The following ARHGAP44 variants were observed in gnomAD, a reference collection of about 807,000 sequenced individuals.
ARHGAP44 encodes the protein rho GTPase-activating protein 44.
Under a neutral mutation model 106.8 loss-of-function variants are expected in ARHGAP44, and 43 were observed. The ratio of observed to expected loss-of-function variants is 0.40; its 90% CI spans 0.32 to 0.52. The LOEUF is 0.52. Among genes scored for constraint, ARHGAP44 ranks in the 20% least tolerant of loss-of-function variants. The pLI is 0.48. For missense variants in ARHGAP44, 866 were observed against 1,050.5 expected, an observed-to-expected ratio of 0.82 and a Z score of 2.43; for synonymous variants, 439 against 410.3, an observed-to-expected ratio of 1.07 and a Z score of -0.85.
chr17:12,812,763 G>T (rs1320788398), intron 1 of ARHGAP44, among the ~76,000 whole-genome samples: 1 of 152,206 alleles, frequency 6.6e-6, no homozygotes, highest in African/African-American at 2.4e-5. Context: ...CTCAACTGGG[G>T]AACAGGGAAG....
At chr17:12,802,650 TAATCAGTGACATCA>T (rs1183264533) in intron 1 of ARHGAP44, among the ~76,000 whole-genome samples, 1 of 151,950 alleles carries the variant, frequency 6.6e-6, no homozygotes, top group Non-Finnish European at 1.5e-5. Flanking sequence ...CCAGGCTCTT[TAATCAGTGACATCA>T]AAGACCCCAC....
intron 1 of ARHGAP44, among the ~76,000 whole-genome samples, chr17:12,798,115 A>G (rs1289705387): frequency 6.6e-6 from 1 of 152,006 alleles, no homozygotes; most frequent in Non-Finnish European, 1.5e-5. Context: ...AGTCTGTGGG[A>G]TTTTCCAGGG....
chr17:12,962,267 G>A (rs78562724), intron 16 of ARHGAP44, among the ~76,000 whole-genome samples: 15,314 of 152,028 alleles, frequency 0.1, 888 homozygotes, highest in South Asian at 0.2. Flanking sequence ...CTTCCCTCGC[G>A]ACTCTGGGCT....
intron 6 of ARHGAP44, among the ~76,000 whole-genome samples, chr17:12,920,057 C>T (rs1461818960): frequency 6.6e-6 from 1 of 152,020 alleles, no homozygotes; most frequent in Non-Finnish European, 1.5e-5. Context: ...AGTGAAGAAA[C>T]AAGACAGTTC....
At chr17:12,936,814 A>G (rs2038562386) in intron 7 of ARHGAP44, among the ~76,000 whole-genome samples, 1 of 152,184 alleles carries the variant, frequency 6.6e-6, no homozygotes, top group Non-Finnish European at 1.5e-5. Flanking sequence ...CCAGCAATAT[A>G]TGAGAGGTCC....
chr17:12,880,974 A>G (rs2036720008), intron 1 of ARHGAP44, among the ~76,000 whole-genome samples: 1 of 152,176 alleles, frequency 6.6e-6, no homozygotes, highest in African/African-American at 2.4e-5. Context: ...TAATTTGTAT[A>G]TTCCTCCTTA....
At chr17:12,923,106 T>G (rs1598060472) in intron 6 of ARHGAP44, among the ~76,000 whole-genome samples, 1 of 152,232 alleles carries the variant, frequency 6.6e-6, no homozygotes, top group East Asian at 1.9e-4. Flanking sequence ...TTTGCATTGT[T>G]TTCATATAAA....
At chr17:12,987,037 T>G (rs573619979) in intron 20 of ARHGAP44, 365 of 1,283,192 alleles carry the variant, frequency 2.8e-4, no homozygotes, top group Non-Finnish European at 3.1e-4. Flanking sequence ...TTTTTTTTTT[T>G]TGTGACGTTC....
intron 16 of ARHGAP44, among the ~76,000 whole-genome samples, chr17:12,967,956 A>G (rs898226756): frequency 1.3e-5 from 2 of 152,220 alleles, no homozygotes; most frequent in African/African-American, 2.4e-5. Flanking sequence ...AATCCTGGTT[A>G]CTGAACTCTG....
At chr17:12,973,364 A>G in intron 17 of ARHGAP44, 45 bp downstream of exon 17, 1 of 1,587,132 alleles carries the variant, frequency 6.3e-7, no homozygotes, top group Non-Finnish European at 8.6e-7. Context: ...CAGTCTCTTC[A>G]ACTGAGCCAC....
chr17:12,861,595 C>T (rs1597958531), intron 1 of ARHGAP44, among the ~76,000 whole-genome samples: 1 of 151,582 alleles, frequency 6.6e-6, no homozygotes, highest in East Asian at 1.9e-4. Flanking sequence ...CGCTCTGATC[C>T]TTCTTTGGTC....
rs1341564374 is a variant in ARHGAP44 at position 12,980,228 on chromosome 17, G to A, written c.1934G>A (p.Arg645Gln). Residue 645 changes from arginine (R) to glutamine (Q), a missense_variant, in exon 19 of 21, where the codon CGG becomes CAG. Coordinates refer to ENST00000379672, the MANE Select transcript of ARHGAP44 (RefSeq NM_014859.6). ...GCAGACCAGAGTCCTCACACCCTCC[G>A]GAAAGGTATGGCCCTGCTTCCCTTC... is the stretch of plus-strand genomic sequence containing the variant. ...PPADQSPHTL[R>Q]KVSKKLAPIP... 1.4e-5 allele frequency: 23 copies of A among 1,611,196 alleles called. No homozygotes were observed. Among genetic ancestry groups the A allele is most frequent in the East Asian group, 4.5e-5 (2 of 44,840 alleles).
intron 16 of ARHGAP44, chr17:12,959,191 T>C (rs2143179794): frequency 2.6e-6 from 1 of 386,692 alleles, no homozygotes; most frequent in East Asian, 5.4e-5. Context: ...AAAAAATACA[T>C]ACGCACTTTA....
intron 1 of ARHGAP44, among the ~76,000 whole-genome samples, chr17:12,818,353 A>C (rs71364187): frequency 6.6e-6 from 1 of 150,732 alleles, no homozygotes; most frequent in Non-Finnish European, 1.5e-5. Context: ...AAAAAAAAAA[A>C]CAACCCTACA....
chr17:12,969,082 C>A (rs2039463904), intron 16 of ARHGAP44, among the ~76,000 whole-genome samples: 1 of 152,112 alleles, frequency 6.6e-6, no homozygotes, highest in Non-Finnish European at 1.5e-5. Context: ...CTGTCTATTT[C>A]TATCAGAGAA....
At chr17:12,879,108 G>C (rs959428618) in intron 1 of ARHGAP44, among the ~76,000 whole-genome samples, 1 of 152,104 alleles carries the variant, frequency 6.6e-6, no homozygotes, top group Admixed American at 6.5e-5. Flanking sequence ...TGTACCCAAT[G>C]TGTAGTCTTT....
chr17:12,828,339 T>A (rs911390886), intron 1 of ARHGAP44, among the ~76,000 whole-genome samples: 6 of 152,134 alleles, frequency 3.9e-5, no homozygotes, highest in Non-Finnish European at 7.3e-5. Flanking sequence ...TGGGTTCATG[T>A]AGAGATACTT....
intron 1 of ARHGAP44, among the ~76,000 whole-genome samples, chr17:12,818,654 C>T (rs912209599): frequency 3.9e-5 from 6 of 151,974 alleles, no homozygotes; most frequent in Non-Finnish European, 7.4e-5. Flanking sequence ...AACGTCTAAA[C>T]GCCACTTATA....
chr17:12,875,515 C>T (rs1381991231), intron 1 of ARHGAP44, among the ~76,000 whole-genome samples: 1 of 152,038 alleles, frequency 6.6e-6, no homozygotes, highest in Non-Finnish European at 1.5e-5. Flanking sequence ...TGGCTTGAGT[C>T]CAGGAGTTCA....
Sources: allele counts gnomAD v4.1 joint callset (sites outside exome capture counted in the v4.1 genomes callset), GRCh38; gene constraint gnomAD v4.1.1; transcripts MANE v1.5; gene names NCBI Gene and HGNC (gene_info 2026-07-23, HGNC 2026-07-21).